Variants in DENND6A observed in about 807,000 individuals in gnomAD.
DENND6A encodes the protein protein DENND6A.
DENND6A carries 43 observed loss-of-function variants against 95.5 expected under a neutral mutation model. The observed-to-expected ratio is 0.45, with a 90% confidence interval of 0.35 to 0.58. DENND6A has a LOEUF of 0.58. Ranked by LOEUF, DENND6A falls within the 20% of genes least tolerant of loss-of-function variation. The pLI, the probability that DENND6A is intolerant of heterozygous loss-of-function variation, is 0.00. For synonymous variants in DENND6A, 257 were observed against 260.4 expected, an observed-to-expected ratio of 0.99 and a Z score of 0.13; for missense variants, 574 against 736.0, an observed-to-expected ratio of 0.78 and a Z score of 2.55.
chr3:57,670,681 C>A (rs1412122102), intron 3 of DENND6A, among the ~76,000 whole-genome samples: 2 of 152,260 alleles, frequency 1.3e-5, no homozygotes, highest in Admixed American at 1.3e-4. Context: ...CAAAATAATT[C>A]TTAAGCCAAA....
intron 15 of DENND6A, among the ~76,000 whole-genome samples, chr3:57,632,220 T>G (rs889774969): frequency 2.7e-5 from 4 of 150,378 alleles, no homozygotes; most frequent in African/African-American, 9.8e-5. Flanking sequence ...GAGACGGGGT[T>G]TCACCGTGTT....
At chr3:57,665,182 G>A (rs1319033524) in intron 4 of DENND6A, among the ~76,000 whole-genome samples, 1 of 152,196 alleles carries the variant, frequency 6.6e-6, no homozygotes, top group African/African-American at 2.4e-5. Flanking sequence ...TCCAAAAAGT[G>A]AGGACAAGGA....
chr3:57,649,941 A>ACC, intron 9 of DENND6A, among the ~76,000 whole-genome samples: 1 of 145,990 alleles, frequency 6.8e-6, no homozygotes, highest in African/African-American at 2.5e-5. Context: ...ACACACACAC[A>ACC]CCGTGGAATA....
chr3:57,629,479 T>A (rs1214744036), intron 18 of DENND6A, among the ~76,000 whole-genome samples: 7 of 147,462 alleles, frequency 4.7e-5, no homozygotes, highest in Non-Finnish European at 7.4e-5. Context: ...AGGCTGGTAA[T>A]ACAGAACATA....
intron 4 of DENND6A, among the ~76,000 whole-genome samples, chr3:57,665,319 G>A (rs2071509910): frequency 6.6e-6 from 1 of 152,148 alleles, no homozygotes; most frequent in Non-Finnish European, 1.5e-5. Flanking sequence ...AAAACAAGAG[G>A]TGGGATGACC....
rs1304017901 is a variant in DENND6A, at chr3:57,633,353, C to T, written c.1265G>A (p.Gly422Asp). The T allele has an allele frequency of 6.2e-7, 1 of 1,609,936 alleles. No homozygotes were observed. Among genetic ancestry groups the T allele is most frequent in the South Asian group, 1.1e-5 (1 of 90,292 alleles). The change falls in exon 15 of 20, where the codon GGT becomes GAT. Residue 422 changes from glycine (G) to aspartate (D), a missense_variant and splice_region_variant. Gly to Asp is a moderately conservative substitution (Grantham distance 94, BLOSUM62 -1). Transcript: ENST00000311128. ...CTCAGAAGGACGTTTCTGTTGTACA[C>T]CCTTAAAAGAGGAAATAATGAGAAT... The part of the protein sequence containing the change: ...DEEIIKQLQK[G>D]VQQKRPSEAQ...
chr3:57,643,360 T>C (rs185101248), intron 11 of DENND6A, among the ~76,000 whole-genome samples: 7 of 152,278 alleles, frequency 4.6e-5, no homozygotes, highest in South Asian at 4.1e-4. Flanking sequence ...TAGTTTCAGA[T>C]GCCATTAAGA....
intron 1 of DENND6A, among the ~76,000 whole-genome samples, chr3:57,688,839 A>G (rs1320254837): frequency 6.6e-6 from 1 of 152,220 alleles, no homozygotes; most frequent in African/African-American, 2.4e-5. Flanking sequence ...TCTGTTCCTA[A>G]CAATCAAGTT....
intron 1 of DENND6A, among the ~76,000 whole-genome samples, chr3:57,676,165 G>A (rs2071705578): frequency 6.6e-6 from 1 of 151,964 alleles, no homozygotes; most frequent in Admixed American, 6.6e-5. Flanking sequence ...GTCACTTGAG[G>A]CCAGGAGTTC....
At chr3:57,654,866 A>C (rs1575839551) in intron 9 of DENND6A, 2 of 851,052 alleles carry the variant, frequency 2.4e-6, no homozygotes, top group East Asian at 2.4e-4. Flanking sequence ...ATAAATATGT[A>C]AACTTTCATT....
At chr3:57,637,562 T>C (rs970842564) in intron 12 of DENND6A, among the ~76,000 whole-genome samples, 5 of 151,960 alleles carry the variant, frequency 3.3e-5, no homozygotes, top group Admixed American at 3.3e-4. Context: ...ACTCACAGTC[T>C]ATCTCAGGTT....
chr3:57,660,373 G>A (rs2071399621), intron 7 of DENND6A, among the ~76,000 whole-genome samples: 1 of 151,930 alleles, frequency 6.6e-6, no homozygotes, highest in African/African-American at 2.4e-5. Context: ...TAGAGACAAG[G>A]TTTCACCATG....
chr3:57,670,519 T>C (rs2071598306), intron 3 of DENND6A, among the ~76,000 whole-genome samples: 3 of 152,202 alleles, frequency 2.0e-5, no homozygotes, highest in Non-Finnish European at 4.4e-5. Flanking sequence ...TAAAGAGTTT[T>C]CTCTGGTGAT....
chr3:57,659,547 G>A (rs552348253), intron 7 of DENND6A, among the ~76,000 whole-genome samples: 53 of 152,188 alleles, frequency 3.5e-4, no homozygotes, highest in African/African-American at 1.3e-3. Flanking sequence ...AATCTCACAG[G>A]AAACAATGAG....
At chr3:57,639,751 G>T (rs961792674) in intron 12 of DENND6A, among the ~76,000 whole-genome samples, 1 of 151,940 alleles carries the variant, frequency 6.6e-6, no homozygotes, top group Non-Finnish European at 1.5e-5. Flanking sequence ...ACACAGTTCT[G>T]ATTGCCAAGA....
At chr3:57,629,056 CTG>C (rs2153411640) in intron 18 of DENND6A, among the ~76,000 whole-genome samples, 171 bp from the exon 19 acceptor site, 1 of 152,280 alleles carries the variant, frequency 6.6e-6, no homozygotes, top group Non-Finnish European at 1.5e-5. Flanking sequence ...ATTCTAATAA[CTG>C]TTAGATAATT....
At position 57,693,006 on chromosome 3, in the gene DENND6A, C is replaced by A; in HGVS notation, c.13G>T (p.Gly5Cys). 1.3e-6 allele frequency: 2 copies of A among 1,484,758 alleles called. No individual in the cohort carries two copies. Among genetic ancestry groups the A allele is most frequent in the Non-Finnish European group, 1.8e-6 (2 of 1,129,890 alleles). 92.0% of individuals were successfully genotyped at this position (1,484,758 alleles called of 1,614,324 possible). A position where few individuals can be genotyped will look rare whatever the true frequency, so the allele number is the denominator to read the frequency against. Residue 5 changes from glycine (G) to cysteine (C), a missense_variant, in exon 1 of 20, where the codon GGC (glycine) becomes TGC (cysteine). Gly to Cys is a radical substitution (Grantham distance 159). Around this residue, in one of 2 missense-constraint regions of DENND6A, gnomAD observed 122 missense variants for 105.1 expected, o/e 1.16. Coordinates refer to ENST00000311128, the MANE Select transcript of DENND6A (RefSeq NM_152678.3). MALR[G>C]PAGLGPGSRR... is the part of the protein sequence containing the mutation. ...GAGCCGGGCCCCAAGCCCGCAGGGC[C>A]CCTCAAAGCCATCGGCCGCCCCCTG... is the stretch of plus-strand genomic sequence containing the variant.
chr3:57,631,716 CTTTTTTTTTTTT>C (rs1156532234), intron 15 of DENND6A, among the ~76,000 whole-genome samples: 2 of 92,014 alleles, frequency 2.2e-5, no homozygotes, highest in Non-Finnish European at 4.1e-5. Flanking sequence ...TCTCTGCTCT[CTTTTTTTTTTTT>C]TTTTTTTTTT....
At chr3:57,654,432 T>C (rs1270865716) in intron 9 of DENND6A, among the ~76,000 whole-genome samples, 2 of 152,202 alleles carry the variant, frequency 1.3e-5, no homozygotes, top group Non-Finnish European at 2.9e-5. Flanking sequence ...CTATAACTGT[T>C]GTCTACTCAG....
Sources: gnomAD v4.1 joint callset for allele counts (sites outside exome capture counted in the v4.1 genomes callset) on GRCh38, gnomAD v4.1.1 for gene constraint, gnomAD v4.1.1 regional missense constraint, MANE v1.5 for transcripts, NCBI Gene and HGNC (gene_info 2026-07-23, HGNC 2026-07-21) for gene names.